IFT22: variants seen among roughly 807,000 people sequenced by gnomAD.
IFT22 encodes intraflagellar transport 22.
A neutral mutation model predicts 21.0 loss-of-function variants in IFT22; 13 were observed. The observed-to-expected ratio is 0.62, with a 90% CI of 0.40 to 0.98. IFT22 has a LOEUF of 0.98. Ranked by LOEUF, IFT22 falls within the 50% of genes least tolerant of loss-of-function variation. The pLI is 0.00. For synonymous variants in IFT22, 67 were observed against 82.4 expected, an observed-to-expected ratio of 0.81 and a Z score of 1.01; for missense variants, 227 against 228.9, an observed-to-expected ratio of 0.99 and a Z score of 0.06.
chr7:101,314,970 G>T lies in IFT22; in HGVS notation c.*164C>A. ...ACTGAACTCAGGGCAGAGCACAGAT[G>T]GTCTGAGTGAACGCCCTGTGTGACA... On this transcript the variant is annotated 3_prime_UTR_variant, in exon 5 of 5. Transcript: ENST00000315322. 1.5e-6 allele frequency: 1 copy of T among 682,792 alleles called. No individual in the cohort carries two copies. The allele number at this position is 682,792 out of a possible 1,614,324, so 42.3% of individuals were successfully genotyped here.
At chr7:101,318,100 T>C (rs753556092) in intron 3 of IFT22, 24 bp downstream of exon 3, 9 of 1,598,488 alleles carry the variant, frequency 5.6e-6, no homozygotes, top group Middle Eastern at 1.7e-4. Flanking sequence ...TTTGATGAAG[T>C]GACTTTCTTT....
intron 1 of IFT22, among the ~76,000 whole-genome samples, chr7:101,320,558 C>CTT (rs397889268): frequency 8.6e-4 from 87 of 101,630 alleles, no homozygotes; most frequent in African/African-American, 2.7e-3. Flanking sequence ...CGCGCCCGGC[C>CTT]TTTTTTTTTT....
rs1406769063 is a variant in IFT22 at position 101,321,721 on chromosome 7, G to C, written c.-12C>G. On this transcript the variant is annotated 5_prime_UTR_variant, in exon 1 of 5. Transcript: ENST00000315322. ...TTGGCTTTCAGCATAGTTGTCCGCC[G>C]CGGCTTAGCCGGCCGGAGCCCACGG... The C allele has an allele frequency of 1.3e-6, 2 of 1,594,246 alleles. No homozygotes were observed. The highest frequency in any genetic ancestry group is 1.1e-5 in the South Asian group (1 of 88,718).
At position 101,321,789 on chromosome 7, in the gene IFT22, T is replaced by C; in HGVS notation, c.-80A>G. The stretch of plus-strand genomic sequence containing the variant: ...CGGAGCTCTACTTGGCCGCTTTCGT[T>C]TCCATGGCGACGGAGAGAGGCCCGC... On this transcript the variant is annotated 5_prime_UTR_variant, in exon 1 of 5. Transcript: ENST00000315322. 7.1e-7 allele frequency: 1 copy of C among 1,403,786 alleles called. No individual in the cohort carries two copies. The highest frequency in any genetic ancestry group is 9.5e-7 in the Non-Finnish European group (1 of 1,057,634). The allele number at this position is 1,403,786 out of a possible 1,614,324, so 87.0% of individuals were successfully genotyped here.
In IFT22 at chr7:101,312,048, G is replaced by A. The variant is rs1307756360; in HGVS notation, c.*3086C>T. Among the ~76,000 whole-genome samples, 2 of 152,068 alleles carry A rather than the reference G, an allele frequency of 1.3e-5. No individual in the cohort carries two copies. Among genetic ancestry groups the A allele is most frequent in the African/African-American group, 4.8e-5 (2 of 41,390 alleles). On this transcript the variant is annotated 3_prime_UTR_variant, in exon 5 of 5. Coordinates refer to ENST00000315322, the MANE Select transcript of IFT22 (RefSeq NM_022777.4). ...AAACCGTAAACTCACCGTATCTAGT[G>A]ATTCTGTACATTAAATCTTTTGAAC... is the stretch of plus-strand genomic sequence containing the variant.
In IFT22 at chr7:101,312,155, C is replaced by T. The variant is rs1337959441; in HGVS notation, c.*2979G>A. ...ACAATGACTCATGCCTGTAATCCCA[C>T]CACTTTGGGAGGCTGAGACGGGCGG... is the stretch of plus-strand genomic sequence containing the variant. On this transcript the variant is annotated 3_prime_UTR_variant, in exon 5 of 5. Coordinates refer to ENST00000315322, the MANE Select transcript of IFT22 (RefSeq NM_022777.4). 1.3e-5 allele frequency among the ~76,000 whole-genome samples: 2 copies of T among 151,224 alleles called. No homozygotes were observed. The highest frequency in any genetic ancestry group is 4.2e-4 in the South Asian group (2 of 4,774).
chr7:101,320,259 G>GTT (rs528527709), intron 1 of IFT22, among the ~76,000 whole-genome samples: 6 of 135,638 alleles, frequency 4.4e-5, no homozygotes, highest in Non-Finnish European at 9.6e-5. Context: ...ATCCGGCTGG[G>GTT]TTTTTTTTTT....
chr7:101,321,271 C>G (rs1790339000), intron 1 of IFT22, among the ~76,000 whole-genome samples: 1 of 152,218 alleles, frequency 6.6e-6, no homozygotes, highest in Non-Finnish European at 1.5e-5. Flanking sequence ...CTGCAGTGAG[C>G]TATGATCACA....
rs902513999 is a variant in IFT22, at chr7:101,312,535, T to C, written c.*2599A>G. Among the ~76,000 whole-genome samples, 1 of 104,994 alleles carries C rather than the reference T, an allele frequency of 9.5e-6. No homozygotes were observed. The highest frequency in any genetic ancestry group is 2.0e-5 in the Non-Finnish European group (1 of 50,874). The allele number at this position is 104,994 out of a possible 152,430, so 68.9% of individuals were successfully genotyped here. A position where few individuals can be genotyped will look rare whatever the true frequency, so the allele number is the denominator to read the frequency against. On this transcript the variant is annotated 3_prime_UTR_variant, in exon 5 of 5. Transcript: ENST00000315322. ...AATATAATGTTTTGGAGAGAGTTGT[T>C]TTTTTTTTTTTTTTTTTTGTGACGG...
At position 101,312,533 on chromosome 7, in the gene IFT22, G is replaced by GT. The variant is rs386410832; in HGVS notation, c.*2600dup. Among the ~76,000 whole-genome samples the GT allele has an allele frequency of 0.034, 3,837 of 114,512 alleles. 229 individuals carry two copies. Among genetic ancestry groups the GT allele is most frequent in the African/African-American group, 0.056 (1,722 of 30,608 alleles). 75.1% of individuals were successfully genotyped at this position (114,512 alleles called of 152,430 possible). A position where few individuals can be genotyped will look rare whatever the true frequency, so the allele number is the denominator to read the frequency against. On this transcript the variant is annotated 3_prime_UTR_variant, in exon 5 of 5. Coordinates refer to ENST00000315322, the MANE Select transcript of IFT22 (RefSeq NM_022777.4). ...TAAATATAATGTTTTGGAGAGAGTTGTTTTTTTTTTTTTTTTTTTTGTGAC... is the reference window on the plus strand; with the variant it reads ...TAAATATAATGTTTTGGAGAGAGTTGTTTTTTTTTTTTTTTTTTTTTGTGAC...
At chr7:101,315,491 C>G (rs1584308824) in intron 4 of IFT22, 1 of 591,208 alleles carries the variant, frequency 1.7e-6, no homozygotes, top group Non-Finnish European at 3.0e-6. Flanking sequence ...GTCTTCTGTT[C>G]TTAAACCAGA....
At chr7:101,319,066 G>GA in intron 1 of IFT22, 34 bp from the exon 2 acceptor site, 1 of 1,610,268 alleles carries the variant, frequency 6.2e-7, no homozygotes. Flanking sequence ...GGTCTTTGCT[G>GA]AAAGGCAGAA....
At chr7:101,316,649 G>A in intron 3 of IFT22, 107 bp from the exon 4 acceptor site, 11 of 1,119,752 alleles carry the variant, frequency 9.8e-6, no homozygotes, top group Non-Finnish European at 1.3e-5. Context: ...TGACGGCTGG[G>A]CGTGGTGGCT....
chr7:101,319,964 A>ATT (rs201174704), intron 1 of IFT22, among the ~76,000 whole-genome samples: 1 of 146,014 alleles, frequency 6.8e-6, no homozygotes, highest in Admixed American at 6.9e-5. Flanking sequence ...GTTTTATTTT[A>ATT]TTTTTTTTTT....
intron 3 of IFT22, 77 bp downstream of exon 3, chr7:101,318,045 GGT>G: frequency 8.1e-7 from 1 of 1,239,382 alleles, no homozygotes; most frequent in Non-Finnish European, 1.2e-6. Context: ...TGGAATTACA[GGT>G]GTGAGCCACC....
intron 3 of IFT22, among the ~76,000 whole-genome samples, chr7:101,317,709 AT>A (rs60110442): frequency 0.21 from 32,143 of 151,932 alleles, 3,689 homozygotes; most frequent in East Asian, 0.4. Context: ...TGGGCAGCTG[AT>A]TTTTTTGTTT....
chr7:101,320,510 C>T lies in IFT22; in HGVS notation c.39+1161G>A, dbSNP rs373226242. On this transcript the variant is annotated intron_variant, in intron 1 of 4. Transcript: ENST00000315322. ...TCCTGACCTTGTGATATGCCTGCCTCGGCCTCCCAAAGTGCTGGGATTACA... is the reference window on the plus strand; with the variant it reads ...TCCTGACCTTGTGATATGCCTGCCTTGGCCTCCCAAAGTGCTGGGATTACA... Among the ~76,000 whole-genome samples the T allele has an allele frequency of 5.2e-4, 76 of 145,692 alleles. 4 individuals carry two copies. In the South Asian group the frequency reaches 0.017, roughly 33 times the overall value.
chr7:101,316,217 T>C (rs1316426851), intron 4 of IFT22, 123 bp downstream of exon 4: 12 of 888,462 alleles, frequency 1.4e-5, no homozygotes, highest in Non-Finnish European at 2.0e-5. Context: ...AGGGTAACAA[T>C]TGCCTAGGGT....
chr7:101,315,314 A>C (rs377036032), intron 4 of IFT22, 32 bp from the exon 5 acceptor site: 1 of 1,613,382 alleles, frequency 6.2e-7, no homozygotes, highest in African/African-American at 1.3e-5. Flanking sequence ...AATTAGGCAA[A>C]GAGTTTCCAT....
Sources: allele counts gnomAD v4.1 joint callset (sites outside exome capture counted in the v4.1 genomes callset), GRCh38; gene constraint gnomAD v4.1.1; transcripts MANE v1.5; gene names NCBI Gene and HGNC (gene_info 2026-07-23, HGNC 2026-07-21).